Variants in DTX1 observed in about 807,000 individuals in gnomAD.
DTX1 encodes the protein E3 ubiquitin-protein ligase DTX1.
Under a neutral mutation model 57.8 loss-of-function variants are expected in DTX1, and 26 were observed. The ratio of observed to expected loss-of-function variants is 0.45; its 90% CI spans 0.33 to 0.62. The LOEUF (loss-of-function observed/expected upper bound fraction) is 0.62. Ranked by LOEUF, DTX1 falls within the 20% of genes least tolerant of loss-of-function variation. The probability of loss-of-function intolerance (pLI) is 0.02; values close to 1 mark genes in which losing one functional copy is unlikely to be tolerated. For missense variants in DTX1, 704 were observed against 895.3 expected (o/e 0.79, Z 2.73); for synonymous variants, 398 against 394.1 (o/e 1.01, Z -0.12).
intron 9 of DTX1, among the ~76,000 whole-genome samples, chr12:113,096,191 C>T: frequency 6.7e-6 from 1 of 149,940 alleles, no homozygotes; most frequent in African/African-American, 2.4e-5. Flanking sequence ...GGTGACAGAG[C>T]AAGACTCCAT....
intron 3 of DTX1, among the ~76,000 whole-genome samples, chr12:113,091,599 G>T (rs1377146026): frequency 6.6e-6 from 1 of 152,102 alleles, no homozygotes; most frequent in Non-Finnish European, 1.5e-5. Context: ...GATCTGTGTG[G>T]ATGGTGTGTG....
intron 3 of DTX1, among the ~76,000 whole-genome samples, chr12:113,078,333 A>ATCAT (rs1235732383): frequency 5.9e-5 from 9 of 152,194 alleles, no homozygotes; most frequent in Non-Finnish European, 1.2e-4. Context: ...GGTAGGTACC[A>ATCAT]TCATCACCTC....
intron 2 of DTX1, among the ~76,000 whole-genome samples, chr12:113,066,633 A>G (rs2044705412): frequency 6.6e-6 from 1 of 152,000 alleles, no homozygotes; most frequent in South Asian, 2.1e-4. Flanking sequence ...TGTAATATGG[A>G]CCTGATGATA....
rs1950318906 is a variant in DTX1, at chr12:113,097,468, A to AC, written c.*529_*530insC. The AC allele has an allele frequency of 6.5e-6, 1 of 152,672 alleles. No individual in the cohort carries two copies. Among genetic ancestry groups the AC allele is most frequent in the Admixed American group, 6.5e-5 (1 of 15,302 alleles). The allele number at this position is 152,672 out of a possible 1,614,324, so 9.5% of individuals were successfully genotyped here. On this transcript the variant is annotated 3_prime_UTR_variant, in exon 10 of 10. Coordinates refer to ENST00000548759, the MANE Select transcript of DTX1 (RefSeq NM_004416.3). ...CCTCACCCATTCCGTGTCATCACCCATGTCTGCCACCCACTGATTGGGCAA... is the reference window on the plus strand; with the variant it reads ...CCTCACCCATTCCGTGTCATCACCCACTGTCTGCCACCCACTGATTGGGCAA...
intron 2 of DTX1, among the ~76,000 whole-genome samples, chr12:113,075,832 C>A (rs1273717078): frequency 1.3e-5 from 2 of 152,146 alleles, no homozygotes; most frequent in Non-Finnish European, 2.9e-5. Context: ...AAAAAAGAAT[C>A]CATTTGTGAC....
chr12:113,094,965 A>G lies in DTX1; in HGVS notation c.1386+18A>G, dbSNP rs775410118. Reference sequence around the variant, plus strand: ...GCAACAAGGTGGGTTGGGCGGGACAATGGCTGAGGAGTGGGCAGGGAACGG... The same window carrying G: ...GCAACAAGGTGGGTTGGGCGGGACAGTGGCTGAGGAGTGGGCAGGGAACGG... On this transcript the variant is annotated intron_variant, in intron 7 of 9. Transcript: ENST00000548759. 3 of 1,609,280 alleles carry G rather than the reference A, an allele frequency of 1.9e-6. No individual in the cohort carries two copies. Among genetic ancestry groups the G allele is most frequent in the Non-Finnish European group, 8.5e-7 (1 of 1,176,236 alleles).
intron 2 of DTX1, among the ~76,000 whole-genome samples, chr12:113,072,699 T>TC (rs1191699174): frequency 3.7e-5 from 5 of 136,178 alleles, no homozygotes; most frequent in African/African-American, 1.2e-4. Context: ...AGATTTTCTT[T>TC]TTTTTTTTTT....
intron 3 of DTX1, among the ~76,000 whole-genome samples, chr12:113,086,715 T>G (rs2044860599): frequency 6.6e-6 from 1 of 152,194 alleles, no homozygotes; most frequent in African/African-American, 2.4e-5. Context: ...AATCCACATT[T>G]TCTTTCTCCA....
Position 113,094,933 on chromosome 12 carries a change from T to C in DTX1, c.1372T>C (p.Ser458Pro). Residue 458 changes from serine (S) to proline (P), a missense_variant, in exon 7 of 10, where the codon TCC (serine) becomes CCC (proline). Ser to Pro is a moderately conservative substitution (Grantham distance 74, BLOSUM62 -1). This residue lies in a region of DTX1 where 168 missense variants were observed against 255.6 expected (regional missense o/e 0.66). Coordinates refer to ENST00000548759, the MANE Select transcript of DTX1 (RefSeq NM_004416.3). Reference protein sequence around the residue: ...YHLLCLVAMYSNGNKDGSLQC... With the variant: ...YHLLCLVAMYPNGNKDGSLQC... ...CCTGCTGTGCCTCGTGGCCATGTAC[T>C]CCAATGGCAACAAGGTGGGTTGGGC... 1 of 1,612,952 alleles carries C rather than the reference T, an allele frequency of 6.2e-7. No homozygotes were observed. Among genetic ancestry groups the C allele is most frequent in the Non-Finnish European group, 8.5e-7 (1 of 1,179,330 alleles).
chr12:113,087,412 G>A (rs540032363), intron 3 of DTX1, among the ~76,000 whole-genome samples: 4 of 152,102 alleles, frequency 2.6e-5, no homozygotes, highest in African/African-American at 4.8e-5. Context: ...CTGGTCCCCC[G>A]GGCTTGCAGC....
chr12:113,096,345 T>C (rs372006093), intron 9 of DTX1, among the ~76,000 whole-genome samples: 40 of 145,170 alleles, frequency 2.8e-4, no homozygotes, highest in African/African-American at 9.5e-4. Flanking sequence ...GAGGCTGATG[T>C]GGGACGATTG....
In DTX1 at chr12:113,082,327, G is replaced by A. The variant is rs547360922; in HGVS notation, c.941+4222G>A. 1.2e-4 allele frequency among the ~76,000 whole-genome samples: 18 copies of A among 152,270 alleles called. 1 individual carries two copies. The East Asian group carries it at 3.1e-3, about 26-fold the overall frequency. ...ACGCTCCATCTCCAAGAAACCCCCC[G>A]GGGAAAATCCCTCTGGCTCTCAAGA... On this transcript the variant is annotated intron_variant, in intron 3 of 9. Transcript: ENST00000548759.
At chr12:113,088,611 T>A (rs2136064934) in intron 3 of DTX1, among the ~76,000 whole-genome samples, 3 of 152,280 alleles carry the variant, frequency 2.0e-5, no homozygotes. Context: ...AGTATAATTT[T>A]AAAAAAAGAC....
intron 9 of DTX1, among the ~76,000 whole-genome samples, chr12:113,096,439 C>CAAAAAAAAAAAAAAAAAAAAA (rs56194115): frequency 1.2e-4 from 11 of 92,756 alleles, no homozygotes; most frequent in South Asian, 8.3e-4. Context: ...GACTCTGCCT[C>CAAAAAAAAAAAAAAAAAAAAA]AAAAAAAAAA....
intron 2 of DTX1, among the ~76,000 whole-genome samples, chr12:113,071,737 C>T (rs1467618985): frequency 6.6e-6 from 1 of 152,260 alleles, no homozygotes; most frequent in Non-Finnish European, 1.5e-5. Flanking sequence ...CCCACCCCCT[C>T]GGCCTGGTCC....
chr12:113,067,288 C>T (rs542280448), intron 2 of DTX1, among the ~76,000 whole-genome samples: 1 of 152,030 alleles, frequency 6.6e-6, no homozygotes, highest in Admixed American at 6.5e-5. Context: ...GGGCCCTCCC[C>T]CTGGCTGGGG....
Position 113,093,290 on chromosome 12 carries a change from G to A in DTX1, c.1003+67G>A. 6.6e-7 allele frequency: 1 copy of A among 1,513,940 alleles called. No individual in the cohort carries two copies. The highest frequency in any genetic ancestry group is 2.0e-5 in the Admixed American group (1 of 49,312). 93.8% of individuals were successfully genotyped at this position (1,513,940 alleles called of 1,614,324 possible). On this transcript the variant is annotated intron_variant, in intron 4 of 9. Coordinates refer to ENST00000548759, the MANE Select transcript of DTX1 (RefSeq NM_004416.3). The surrounding 1 kb of genome is among the most constrained non-coding windows in gnomAD (Gnocchi z 4.2). ...TAGGAGGCAGCTCCGCCTGTCACCC[G>A]GTGACCCCGCCCCCGAGATGGGCTG...
chr12:113,058,573 C>A, intron 2 of DTX1, 122 bp downstream of exon 2: 2 of 1,469,724 alleles, frequency 1.4e-6, no homozygotes, highest in South Asian at 2.7e-5. Flanking sequence ...CCCTGCCTCA[C>A]CTCCAGAAAA....
intron 3 of DTX1, among the ~76,000 whole-genome samples, chr12:113,088,532 A>G (rs1387517284): frequency 6.6e-6 from 1 of 152,268 alleles, no homozygotes; most frequent in Non-Finnish European, 1.5e-5. Context: ...TGGGCGCAGC[A>G]CACCAGCATG....
Sources: gnomAD v4.1 joint callset for allele counts (sites outside exome capture counted in the v4.1 genomes callset) on GRCh38, gnomAD v4.1.1 for gene constraint, gnomAD v4.1.1 regional missense constraint, Gnocchi (gnomAD v3.1) non-coding constraint, MANE v1.5 for transcripts, NCBI Gene and HGNC (gene_info 2026-07-23, HGNC 2026-07-21) for gene names.